The following KCNN2 variants were observed in gnomAD, a reference collection of about 807,000 sequenced individuals.
KCNN2 encodes small conductance calcium-activated potassium channel protein 2.
A neutral mutation model predicts 55.5 loss-of-function variants in KCNN2; 24 were observed. The ratio of observed to expected loss-of-function variants is 0.43; its 90% CI spans 0.31 to 0.61. KCNN2 has a LOEUF of 0.61. Among genes scored for constraint, KCNN2 ranks in the 20% least tolerant of loss-of-function variants. The pLI, the probability that KCNN2 is intolerant of heterozygous loss-of-function variation, is 0.08. For missense variants in KCNN2, 754 were observed against 853.6 expected, an observed-to-expected ratio of 0.88 and a Z score of 1.45; for synonymous variants, 431 against 336.1, an observed-to-expected ratio of 1.28 and a Z score of -3.09.
chr5:114,200,125 T>C (rs559860102), intron 1 of KCNN2, among the ~76,000 whole-genome samples: 3 of 152,324 alleles, frequency 2.0e-5, no homozygotes, highest in African/African-American at 7.2e-5. Flanking sequence ...GATCTCTTTC[T>C]TTCTCCTTGG....
intron 2 of KCNN2, among the ~76,000 whole-genome samples, chr5:114,394,556 T>G (rs1758561323): frequency 2.6e-5 from 4 of 152,226 alleles, no homozygotes; most frequent in Admixed American, 2.6e-4. Context: ...GGAGTTTGTG[T>G]CAAAAAGGCC....
chr5:114,196,532 C>A (rs998026754), intron 1 of KCNN2, among the ~76,000 whole-genome samples: 12 of 151,820 alleles, frequency 7.9e-5, no homozygotes, highest in African/African-American at 2.9e-4. Context: ...TTCTTTTTAT[C>A]CATTTTTGGC....
Position 114,167,086 on chromosome 5 carries a change from A to T in KCNN2, c.-270-54394A>T, listed in dbSNP as rs560245543. Reference sequence around the variant, plus strand: ...AGCCCAAACTAAGATATTTCATTCAATTGCCTCAGCTGAGATCCTAAACAA... The same window carrying T: ...AGCCCAAACTAAGATATTTCATTCATTTGCCTCAGCTGAGATCCTAAACAA... On this transcript the variant is annotated intron_variant, in intron 1 of 10. Coordinates refer to the KCNN2 transcript ENST00000512097. 2.6e-5 allele frequency among the ~76,000 whole-genome samples: 4 copies of T among 152,280 alleles called. No homozygotes were observed. In the East Asian group the frequency reaches 5.8e-4, roughly 22 times the overall value.
chr5:114,312,430 CACACATATATATATATATAT>C (rs1215216257), intron 2 of KCNN2, among the ~76,000 whole-genome samples: 13 of 21,790 alleles, frequency 6.0e-4, no homozygotes, highest in African/African-American at 1.9e-3. Flanking sequence ...CACACACACA[CACACATATATATATATATAT>C]ATATATATAT....
chr5:114,475,157 T>A (rs1288501207), intron 5 of KCNN2, among the ~76,000 whole-genome samples: 3 of 152,072 alleles, frequency 2.0e-5, no homozygotes, highest in South Asian at 2.1e-4. Flanking sequence ...TTGATAAAAA[T>A]TTTTTTATGA....
intron 2 of KCNN2, among the ~76,000 whole-genome samples, chr5:114,240,380 T>G (rs1561536314): frequency 1.3e-5 from 2 of 151,610 alleles, no homozygotes; most frequent in African/African-American, 4.8e-5. Context: ...AAATCTACTG[T>G]TAATATTATA....
Position 114,379,221 on chromosome 5 carries a change from C to G in KCNN2, c.1218+15220C>G, listed in dbSNP as rs574671467. Among the ~76,000 whole-genome samples the G allele has an allele frequency of 1.4e-3, 218 of 151,972 alleles. 1 individual carries two copies. Among genetic ancestry groups the G allele is most frequent in the African/African-American group, 5.0e-3 (206 of 41,452 alleles). On this transcript the variant is annotated intron_variant, in intron 2 of 7. Coordinates refer to ENST00000673685, the MANE Select transcript of KCNN2 (RefSeq NM_021614.4). ...CCTGGGGCCCCAGGGAAGACCCTCG[C>G]CATCCGTTTTCTTCTGCCCATCTCC...
At chr5:114,140,316 GC>G (rs1561491778) in intron 1 of KCNN2, among the ~76,000 whole-genome samples, 1 of 152,126 alleles carries the variant, frequency 6.6e-6, no homozygotes, top group African/African-American at 2.4e-5. Flanking sequence ...GCTCTTACTG[GC>G]CTGCCAGCCT....
At chr5:114,319,916 C>G (rs1756580365) in intron 2 of KCNN2, among the ~76,000 whole-genome samples, 1 of 152,138 alleles carries the variant, frequency 6.6e-6, no homozygotes, top group South Asian at 2.1e-4. Flanking sequence ...GGTTGTTAGT[C>G]AAAGGAAGGA....
At chr5:114,061,554 G>A (rs1302576730) in intron 1 of KCNN2, among the ~76,000 whole-genome samples, 3 of 151,968 alleles carry the variant, frequency 2.0e-5, no homozygotes, top group Non-Finnish European at 4.4e-5. Flanking sequence ...TTTGTACACT[G>A]TTCCCATTCA....
intron 3 of KCNN2, among the ~76,000 whole-genome samples, chr5:114,456,213 C>G (rs77856863): frequency 0.034 from 5,138 of 152,216 alleles, 289 homozygotes; most frequent in African/African-American, 0.12. Context: ...CTGCTGGTGA[C>G]TCTGAGTTGA....
At chr5:114,072,698 A>G (rs920013335) in intron 1 of KCNN2, among the ~76,000 whole-genome samples, 2 of 152,194 alleles carry the variant, frequency 1.3e-5, no homozygotes, top group African/African-American at 4.8e-5. Flanking sequence ...GGACTTTGCA[A>G]CTAAACCGCT....
At chr5:114,145,862 G>A (rs1752388562) in intron 1 of KCNN2, among the ~76,000 whole-genome samples, 1 of 152,140 alleles carries the variant, frequency 6.6e-6, no homozygotes, top group African/African-American at 2.4e-5. Context: ...GAGACGAGTT[G>A]TTTAGGATGG....
intron 2 of KCNN2, among the ~76,000 whole-genome samples, chr5:114,352,945 A>G (rs78929043): frequency 0.024 from 3,714 of 151,964 alleles, 54 homozygotes; most frequent in Non-Finnish European, 0.035. Context: ...ATTCTTGTTA[A>G]TCCTCTGCAT....
At chr5:114,369,895 T>C (rs1757713418) in intron 2 of KCNN2, among the ~76,000 whole-genome samples, 1 of 152,068 alleles carries the variant, frequency 6.6e-6, no homozygotes, top group Admixed American at 6.5e-5. Context: ...AGTTGAGAGA[T>C]AAGGGCACTG....
chr5:114,461,747 T>C (rs1459781), intron 3 of KCNN2, among the ~76,000 whole-genome samples: 60,378 of 150,036 alleles, frequency 0.4, 13,764 homozygotes, highest in Non-Finnish European at 0.51. Context: ...AAAAAAAGCA[T>C]AGCGAATGCC....
chr5:114,217,186 C>G (rs1445896148), intron 1 of KCNN2, among the ~76,000 whole-genome samples: 1 of 152,060 alleles, frequency 6.6e-6, no homozygotes, highest in African/African-American at 2.4e-5. Flanking sequence ...TCAACTTGAT[C>G]TAGAGATTCA....
intron 2 of KCNN2, among the ~76,000 whole-genome samples, chr5:114,380,494 C>T (rs1758085906): frequency 6.6e-6 from 1 of 152,158 alleles, no homozygotes; most frequent in South Asian, 2.1e-4. Context: ...AACTTCTTAT[C>T]AGTGATTTCC....
chr5:114,198,294 G>A (rs1044579202), intron 1 of KCNN2, among the ~76,000 whole-genome samples: 1 of 148,478 alleles, frequency 6.7e-6, no homozygotes, highest in African/African-American at 2.5e-5. Flanking sequence ...AAAAATAATG[G>A]CAAATACTAG....
Sources: gnomAD v4.1 joint callset for allele counts (sites outside exome capture counted in the v4.1 genomes callset) on GRCh38, gnomAD v4.1.1 for gene constraint, MANE v1.5 for transcripts, NCBI Gene and HGNC (gene_info 2026-07-23, HGNC 2026-07-21) for gene names.